Variants in OPHN1 observed in about 807,000 individuals in gnomAD.
The protein encoded by OPHN1 is oligophrenin-1.
In OPHN1, 11 loss-of-function variants were observed where a neutral mutation model predicts 60.7. That is an observed-to-expected ratio of 0.18 (90% CI 0.11 to 0.30). The LOEUF is 0.30. OPHN1 is among the 10% of genes least tolerant of loss of function. OPHN1 has a pLI of 1.00. For synonymous variants in OPHN1, 226 were observed against 222.6 expected, an observed-to-expected ratio of 1.02 and a Z score of -0.14; for missense variants, 449 against 611.0, an observed-to-expected ratio of 0.73 and a Z score of 2.80.
intron 2 of OPHN1, among the ~76,000 whole-genome samples, chrX:68,320,694 T>C (rs2078231321): frequency 9.0e-6 from 1 of 110,591 alleles, no homozygotes; most frequent in African/African-American, 3.3e-5. Flanking sequence ...ATTATGACAC[T>C]ATCTACCTGG....
At chrX:68,251,963 G>A (rs192891487) in intron 5 of OPHN1, among the ~76,000 whole-genome samples, 2 of 112,234 alleles carry the variant, frequency 1.8e-5, no homozygotes, top group African/African-American at 6.5e-5. Context: ...CCTCCTTACT[G>A]ATGTTGGGCT....
chrX:68,421,712 A>G (rs2078827050), intron 2 of OPHN1, among the ~76,000 whole-genome samples: 1 of 111,749 alleles, frequency 8.9e-6, no homozygotes, highest in Non-Finnish European at 1.9e-5. Context: ...GGAAGTCCTT[A>G]ATGAAAACCT....
rs185052182 is a variant in OPHN1, at chrX:68,405,870, G to A, written c.154+26997C>T. On this transcript the variant is annotated intron_variant, in intron 2 of 24. Transcript: ENST00000355520. ...TATATAAAGGGCAATGAGGCTGGGC[G>A]TAGTGGCGCACACCTATAATCTCAA... 1.4e-4 allele frequency among the ~76,000 whole-genome samples: 16 copies of A among 111,555 alleles called. No individual in the cohort carries two copies. The East Asian group carries it at 2.0e-3, about 14-fold the overall frequency.
rs1269892048 is a variant in OPHN1 at position 68,220,731 on chromosome X, AC to A, written c.487-6760del. ...AAAAAGCCTTTGACAAAATTCAACA[AC>A]CCTTCATGCTAAAAACTCTCAATAA... On this transcript the variant is annotated intron_variant, in intron 6 of 24. Transcript: ENST00000355520. 4.7e-3 allele frequency among the ~76,000 whole-genome samples: 405 copies of A among 85,624 alleles called. 5 individuals carry two copies. The highest frequency in any genetic ancestry group is 0.015 in the African/African-American group (394 of 25,526). 74.4% of individuals were successfully genotyped at this position (85,624 alleles called of 115,157 possible).
At chrX:68,377,833 T>C (rs1161282570) in intron 2 of OPHN1, among the ~76,000 whole-genome samples, 1 of 111,944 alleles carries the variant, frequency 8.9e-6, no homozygotes, top group Non-Finnish European at 1.9e-5. Context: ...TCTATCACTG[T>C]TGGACATTTG....
chrX:68,422,786 A>AGAG (rs2078835162), intron 2 of OPHN1, among the ~76,000 whole-genome samples: 1 of 60,446 alleles, frequency 1.7e-5, no homozygotes, highest in Non-Finnish European at 2.9e-5. Context: ...AGAAAGAGAG[A>AGAG]GAGGGAGGGA....
chrX:68,390,253 C>T (rs1315183977), intron 2 of OPHN1, among the ~76,000 whole-genome samples: 5 of 111,129 alleles, frequency 4.5e-5, no homozygotes, highest in Non-Finnish European at 5.6e-5. Context: ...AGCACTTAAA[C>T]GATTATTATT....
chrX:68,083,010 C>G lies in OPHN1; in HGVS notation c.1687-9711G>C, dbSNP rs749071069. Among the ~76,000 whole-genome samples the G allele has an allele frequency of 7.1e-4, 70 of 99,163 alleles. 1 individual carries two copies. Among genetic ancestry groups the G allele is most frequent in the African/African-American group, 2.5e-3 (68 of 27,155 alleles). 86.1% of individuals were successfully genotyped at this position (99,163 alleles called of 115,157 possible). A position where few individuals can be genotyped will look rare whatever the true frequency, so the allele number is the denominator to read the frequency against. ...CACCTTGCACTTTTATGTCATGGAA[C>G]TGGTTTATTTCCTTAAACATCATGA... On this transcript the variant is annotated intron_variant, in intron 19 of 24. Coordinates refer to ENST00000355520, the MANE Select transcript of OPHN1 (RefSeq NM_002547.3).
intron 15 of OPHN1, among the ~76,000 whole-genome samples, chrX:68,186,779 G>A (rs886093610): frequency 1.8e-5 from 2 of 111,359 alleles, no homozygotes; most frequent in Admixed American, 1.9e-4. Flanking sequence ...ATCTTCATAT[G>A]GTGTAAAGAG....
intron 15 of OPHN1, among the ~76,000 whole-genome samples, chrX:68,140,426 C>T (rs1469133588): frequency 8.9e-6 from 1 of 112,019 alleles, no homozygotes; most frequent in Non-Finnish European, 1.9e-5. Context: ...TACCACAATT[C>T]TTAGCACACA....
chrX:68,269,243 A>G (rs1293308649), intron 5 of OPHN1, among the ~76,000 whole-genome samples: 1 of 111,771 alleles, frequency 8.9e-6, no homozygotes, highest in Non-Finnish European at 1.9e-5. Context: ...ACTACTTTGA[A>G]GTTCATATGG....
chrX:68,109,983 G>A (rs1373804039), intron 18 of OPHN1, among the ~76,000 whole-genome samples: 1 of 90,473 alleles, frequency 1.1e-5, no homozygotes, highest in African/African-American at 4.1e-5. Context: ...ATTGGTGGAG[G>A]TGTATCTTTA....
At chrX:68,251,720 TCA>T (rs1397930708) in intron 5 of OPHN1, among the ~76,000 whole-genome samples, 1 of 111,243 alleles carries the variant, frequency 9.0e-6, no homozygotes, top group Non-Finnish European at 1.9e-5. Context: ...TAAAAAAGTG[TCA>T]CAGTTAGGAC....
chrX:68,288,335 T>C (rs2078054861), intron 3 of OPHN1, among the ~76,000 whole-genome samples: 1 of 111,685 alleles, frequency 9.0e-6, no homozygotes. Flanking sequence ...CTATCTACAG[T>C]CCCCAGTCAT....
chrX:68,073,098 T>G, intron 20 of OPHN1, 54 bp downstream of exon 20: 1 of 1,161,112 alleles, frequency 8.6e-7, no homozygotes, highest in African/African-American at 1.8e-5. Context: ...CCCTTCGATA[T>G]CCTCTTTGTG....
At chrX:68,425,839 T>TTTTTTTG in intron 2 of OPHN1, among the ~76,000 whole-genome samples, 1 of 93,727 alleles carries the variant, frequency 1.1e-5, no homozygotes, top group East Asian at 3.4e-4. Flanking sequence ...TTTTTTTTTT[T>TTTTTTTG]AGAGAGGGAG....
At chrX:68,291,992 C>T (rs193203632) in intron 3 of OPHN1, among the ~76,000 whole-genome samples, 8 of 111,815 alleles carry the variant, frequency 7.2e-5, no homozygotes, top group Admixed American at 4.7e-4. Context: ...ATGGGCTAAA[C>T]GTTACCAATG....
intron 6 of OPHN1, among the ~76,000 whole-genome samples, chrX:68,228,378 A>G (rs894887314): frequency 6.3e-5 from 7 of 111,532 alleles, no homozygotes; most frequent in African/African-American, 2.3e-4. Flanking sequence ...AATCCATAGA[A>G]AAAGAGGGAA....
In OPHN1 at chrX:68,214,990, C is replaced by T. The variant is rs904157462; in HGVS notation, c.487-1018G>A. The stretch of plus-strand genomic sequence containing the variant: ...CCAGCCTGGGTGACAGAGCGAGACT[C>T]CATCTCAGAAACAAACAAAAAAGAA... On this transcript the variant is annotated intron_variant, in intron 6 of 24. Transcript: ENST00000355520. 2.7e-5 allele frequency among the ~76,000 whole-genome samples: 3 copies of T among 111,143 alleles called. No homozygotes were observed. In the Admixed American group the frequency reaches 2.9e-4, roughly 11 times the overall value.
Sources: gnomAD v4.1 joint callset for allele counts (sites outside exome capture counted in the v4.1 genomes callset) on GRCh38, gnomAD v4.1.1 for gene constraint, MANE v1.5 for transcripts, NCBI Gene and HGNC (gene_info 2026-07-23, HGNC 2026-07-21) for gene names.